Variants in TMC5 observed in about 807,000 individuals in gnomAD.
The protein encoded by TMC5 is transmembrane channel-like protein 5.
TMC5 carries 86 observed loss-of-function variants against 110.5 expected under a neutral mutation model. The observed-to-expected ratio is 0.78, with a 90% CI of 0.65 to 0.93. TMC5 has a LOEUF of 0.93. TMC5 is among the 40% of genes least tolerant of loss of function. TMC5 has a pLI of 0.00. For missense variants in TMC5, 1,144 were observed against 1,222.8 expected (o/e 0.94, Z 0.96); for synonymous variants, 455 against 439.5 (o/e 1.04, Z -0.44).
chr16:19,478,434 G>A (rs1030938957), intron 13 of TMC5, among the ~76,000 whole-genome samples: 2 of 152,190 alleles, frequency 1.3e-5, no homozygotes, highest in African/African-American at 4.8e-5. Context: ...GGTTAGAGCA[G>A]ATACCATATT....
chr16:19,490,754 CCTTCCTTCCCTTCCT>C (rs1968871572), intron 18 of TMC5, among the ~76,000 whole-genome samples, 186 bp downstream of exon 18: 1 of 53,368 alleles, frequency 1.9e-5, no homozygotes, highest in Non-Finnish European at 7.4e-5. Flanking sequence ...TTCCTTCCTT[CCTTCCTTCCCTTCCT>C]TTTTTTCTTT....
chr16:19,453,973 C>T (rs1251668602), intron 5 of TMC5, among the ~76,000 whole-genome samples: 1 of 152,176 alleles, frequency 6.6e-6, no homozygotes, highest in African/African-American at 2.4e-5. Context: ...CCGCCTCAGC[C>T]TCCCAAGTAG....
intron 14 of TMC5, among the ~76,000 whole-genome samples, chr16:19,480,622 T>C (rs565880977): frequency 1.3e-5 from 2 of 152,082 alleles, no homozygotes; most frequent in African/African-American, 4.8e-5. Flanking sequence ...CTGGCCAACG[T>C]GGTGAAACCC....
At chr16:19,468,084 C>T (rs12445064) in intron 9 of TMC5, among the ~76,000 whole-genome samples, 77,375 of 151,964 alleles carry the variant, frequency 0.51, 23,003 homozygotes, top group Non-Finnish European at 0.66. Context: ...AAGTGATTCT[C>T]CTGTCTCAGC....
intron 17 of TMC5, among the ~76,000 whole-genome samples, chr16:19,489,453 G>T (rs1307636480): frequency 6.6e-6 from 1 of 152,070 alleles, no homozygotes; most frequent in Non-Finnish European, 1.5e-5. Context: ...TCCTGCCTCA[G>T]CCTCCTGAGT....
intron 12 of TMC5, among the ~76,000 whole-genome samples, chr16:19,475,212 AG>A (rs760639078): frequency 1.3e-5 from 2 of 152,148 alleles, no homozygotes; most frequent in African/African-American, 2.4e-5. Context: ...ACCTGAGGTC[AG>A]GAGTTTGAAA....
chr16:19,479,586 C>T, intron 14 of TMC5, 58 bp downstream of exon 14: 1 of 1,263,450 alleles, frequency 7.9e-7, no homozygotes, highest in Non-Finnish European at 1.2e-6. Context: ...GAACCTGATT[C>T]CTGGCTGAGT....
chr16:19,427,500 G>A (rs747973779), intron 1 of TMC5, among the ~76,000 whole-genome samples: 32 of 152,100 alleles, frequency 2.1e-4, no homozygotes, highest in African/African-American at 7.2e-4. Flanking sequence ...TCTAGTTCCC[G>A]AGCTGGCCAT....
At position 19,497,986 on chromosome 16, in the gene TMC5, A is replaced by C. The variant is rs1321809889; in HGVS notation, c.*20A>C. ...GCCTGATGACTCTTTTGGTAACCAG[A>C]CACCAATCAAATAAGGGGAGGAGAC... is the stretch of plus-strand genomic sequence containing the variant. On this transcript the variant is annotated 3_prime_UTR_variant, in exon 22 of 22. Coordinates refer to ENST00000542583, the MANE Select transcript of TMC5 (RefSeq NM_001261841.2). 9 of 1,610,950 alleles carry C rather than the reference A, an allele frequency of 5.6e-6. No individual in the cohort carries two copies. The highest frequency in any genetic ancestry group is 6.8e-6 in the Non-Finnish European group (8 of 1,177,238).
intron 5 of TMC5, among the ~76,000 whole-genome samples, chr16:19,451,863 A>G (rs1318300410): frequency 2.0e-5 from 3 of 152,332 alleles, no homozygotes; most frequent in African/African-American, 4.8e-5. Context: ...CAGTGGCACC[A>G]TCTCAGCTCA....
rs114634645 is a variant in TMC5, at chr16:19,431,008, G to A, written c.-80+368G>A. Reference sequence around the variant, plus strand: ...TGAGTACCTGAGATTACAGGCACGCGCCACAACAAAAACAATTTTTTAAAA... The same window carrying A: ...TGAGTACCTGAGATTACAGGCACGCACCACAACAAAAACAATTTTTTAAAA... On this transcript the variant is annotated intron_variant, in intron 2 of 21. Coordinates refer to ENST00000542583, the MANE Select transcript of TMC5 (RefSeq NM_001261841.2). Among the ~76,000 whole-genome samples, 238 of 151,906 alleles carry A rather than the reference G, an allele frequency of 1.6e-3. 1 individual carries two copies. Among genetic ancestry groups the A allele is most frequent in the African/African-American group, 4.9e-3 (204 of 41,416 alleles).
At chr16:19,482,545 A>T (rs1441356506) in intron 15 of TMC5, among the ~76,000 whole-genome samples, 1 of 152,188 alleles carries the variant, frequency 6.6e-6, no homozygotes, top group Admixed American at 6.6e-5. Context: ...GTTTGTCACA[A>T]TCTCCACCTT....
intron 5 of TMC5, among the ~76,000 whole-genome samples, chr16:19,459,740 G>C (rs1263642847): frequency 6.6e-6 from 1 of 151,476 alleles, no homozygotes; most frequent in East Asian, 1.9e-4. Flanking sequence ...AATGTAGTGA[G>C]ACCTCAGCTT....
chr16:19,456,531 T>C, intron 5 of TMC5: 1 of 1,410,672 alleles, frequency 7.1e-7, no homozygotes, highest in Non-Finnish European at 9.2e-7. Context: ...TTGTGATTTG[T>C]GTAGGGGTGG....
chr16:19,475,702 G>T (rs946211191), intron 12 of TMC5, among the ~76,000 whole-genome samples: 1 of 151,548 alleles, frequency 6.6e-6, no homozygotes, highest in Non-Finnish European at 1.5e-5. Context: ...TGCATTTTGC[G>T]TTCTTCAAAC....
chr16:19,491,153 G>C (rs1968895518), intron 18 of TMC5, among the ~76,000 whole-genome samples: 2 of 152,070 alleles, frequency 1.3e-5, no homozygotes, highest in Admixed American at 6.6e-5. Context: ...GGGCTTGCAG[G>C]TGTGCACCAC....
rs77037739 is a variant in TMC5, at chr16:19,479,742, C to T, written c.2267+214C>T. ...GTCATAGTTCACTCGGTTCAGTTGA[C>T]CTTTTACAACCTTTTGAAAACAAAT... On this transcript the variant is annotated intron_variant, in intron 14 of 21. Coordinates refer to ENST00000542583, the MANE Select transcript of TMC5 (RefSeq NM_001261841.2). Among the ~76,000 whole-genome samples the T allele has an allele frequency of 2.2e-4, 33 of 152,224 alleles. No individual in the cohort carries two copies. In the East Asian group the frequency reaches 6.2e-3, roughly 28 times the overall value.
At chr16:19,449,452 A>G in intron 4 of TMC5, 90 bp from the exon 5 acceptor site, 1 of 1,096,590 alleles carries the variant, frequency 9.1e-7, no homozygotes, top group Non-Finnish European at 1.4e-6. Flanking sequence ...AGCCGTTACG[A>G]ACCACTATTA....
intron 14 of TMC5, among the ~76,000 whole-genome samples, 170 bp from the exon 15 acceptor site, chr16:19,481,200 C>T (rs970006649): frequency 1.3e-5 from 2 of 152,188 alleles, no homozygotes; most frequent in Non-Finnish European, 2.9e-5. Context: ...CCTTCAATTA[C>T]TTCTTCAAAA....
Sources: allele counts gnomAD v4.1 joint callset (sites outside exome capture counted in the v4.1 genomes callset), GRCh38; gene constraint gnomAD v4.1.1; transcripts MANE v1.5; gene names NCBI Gene and HGNC (gene_info 2026-07-23, HGNC 2026-07-21).